GREB1L: variants seen among roughly 807,000 people sequenced by gnomAD.
GREB1L encodes GREB1 like retinoic acid receptor coactivator, also known as GREB1-like protein.
Under a neutral mutation model 200.8 loss-of-function variants are expected in GREB1L, and 17 were observed. The ratio of observed to expected loss-of-function variants is 0.08; its 90% confidence interval spans 0.06 to 0.13. The LOEUF (loss-of-function observed/expected upper bound fraction) is 0.13, where lower values mean the gene tolerates loss of function less well. Ranked by LOEUF, GREB1L falls within the 10% of genes least tolerant of loss-of-function variation. The pLI is 1.00. For synonymous variants in GREB1L, 789 were observed against 893.0 expected, an observed-to-expected ratio of 0.88 and a Z score of 2.08; for missense variants, 1,657 against 2,367.7, an observed-to-expected ratio of 0.70 and a Z score of 6.23.
intron 1 of GREB1L, among the ~76,000 whole-genome samples, chr18:21,305,746 C>G (rs1567929748): frequency 6.6e-6 from 1 of 152,228 alleles, no homozygotes; most frequent in African/African-American, 2.4e-5. Flanking sequence ...CCCTGTGAGA[C>G]CCTGCTGGTC....
intron 1 of GREB1L, among the ~76,000 whole-genome samples, chr18:21,321,732 G>A (rs1430334652): frequency 6.6e-6 from 1 of 152,030 alleles, no homozygotes; most frequent in Non-Finnish European, 1.5e-5. Context: ...TACTAAGTAG[G>A]GCTTCTGCTA....
rs1036573816 is a variant in GREB1L at position 21,490,051 on chromosome 18, T to G, written c.2730T>G (p.Leu910=). 7.7e-6 allele frequency: 12 copies of G among 1,551,914 alleles called. No homozygotes were observed. The highest frequency in any genetic ancestry group is 8.7e-6 in the Non-Finnish European group (10 of 1,147,054). Reference sequence around the variant, plus strand: ...ACAGCATGGTCGTCCGCTGCTATCTTCTCATCCAGCAGTACTCTGAGGCCC... The same window carrying G: ...ACAGCATGGTCGTCCGCTGCTATCTGCTCATCCAGCAGTACTCTGAGGCCC... ...RLHSMVVRCY[L]LIQQYSEALM... is the part of the protein sequence containing the mutation. The change falls in exon 19 of 33, where the codon CTT becomes CTG. Residue 910 remains leucine (L), a synonymous_variant. Coordinates refer to ENST00000424526, the MANE Select transcript of GREB1L (RefSeq NM_001142966.3).
At chr18:21,254,460 C>T (rs1337293152) in intron 1 of GREB1L, among the ~76,000 whole-genome samples, 1 of 152,012 alleles carries the variant, frequency 6.6e-6, no homozygotes, top group African/African-American at 2.4e-5. Flanking sequence ...TTGTATCATT[C>T]TACAAATGAT....
intron 7 of GREB1L, among the ~76,000 whole-genome samples, chr18:21,436,197 T>C (rs376611411): frequency 6.6e-6 from 1 of 152,194 alleles, no homozygotes; most frequent in Non-Finnish European, 1.5e-5. Flanking sequence ...AAGACATCCA[T>C]GTGGAGCTGT....
chr18:21,514,573 A>G (rs2037351497), intron 28 of GREB1L, among the ~76,000 whole-genome samples: 1 of 152,216 alleles, frequency 6.6e-6, no homozygotes, highest in Non-Finnish European at 1.5e-5. Context: ...GACTGCTGAC[A>G]TCTCAAATCA....
chr18:21,430,342 C>CT (rs1249914905), intron 7 of GREB1L, among the ~76,000 whole-genome samples: 8 of 149,562 alleles, frequency 5.3e-5, no homozygotes, highest in East Asian at 3.9e-4. Flanking sequence ...TTTATATCTT[C>CT]TTTTTTTTTC....
At chr18:21,488,420 C>T (rs138498678) in intron 18 of GREB1L, among the ~76,000 whole-genome samples, 162 of 152,258 alleles carry the variant, frequency 1.1e-3, no homozygotes, top group Admixed American at 1.7e-3. Flanking sequence ...ATTTCTTTGA[C>T]CTGGAGGTTT....
intron 15 of GREB1L, among the ~76,000 whole-genome samples, chr18:21,466,087 G>T (rs761005081): frequency 6.6e-6 from 1 of 152,012 alleles, no homozygotes; most frequent in Non-Finnish European, 1.5e-5. Flanking sequence ...TTAATGTTAC[G>T]TCCCTGAAGT....
chr18:21,331,980 A>G (rs1285186432), intron 1 of GREB1L, among the ~76,000 whole-genome samples: 1 of 152,244 alleles, frequency 6.6e-6, no homozygotes, highest in African/African-American at 2.4e-5. Context: ...AACCTTTGAA[A>G]GTTAGAGACT....
intron 1 of GREB1L, among the ~76,000 whole-genome samples, chr18:21,266,600 A>G (rs1415037684): frequency 2.0e-5 from 3 of 152,198 alleles, no homozygotes; most frequent in Non-Finnish European, 4.4e-5. Flanking sequence ...CGTGCCTACT[A>G]TTTCTTTTAA....
intron 1 of GREB1L, among the ~76,000 whole-genome samples, chr18:21,265,462 G>GAC: frequency 6.6e-6 from 1 of 152,044 alleles, no homozygotes; most frequent in Non-Finnish European, 1.5e-5. Context: ...AAAAATGGAC[G>GAC]GTGATGGGCA....
At position 21,499,906 on chromosome 18, in the gene GREB1L, G is replaced by GC. The variant is rs2036706405; in HGVS notation, c.3574dup (p.Gln1192ProfsTer88). 1 of 1,549,552 alleles carries GC rather than the reference G, an allele frequency of 6.5e-7. No individual in the cohort carries two copies. Among genetic ancestry groups the GC allele is most frequent in the Admixed American group, 2.0e-5 (1 of 50,750 alleles). On this transcript the variant is annotated frameshift_variant, in exon 22 of 33. Transcript: ENST00000424526. LOFTEE classifies it high-confidence loss of function. ...CTGAAGCAGGAATGTGACTCCCTGG[G>GC]CCCCCAGATGGCGAGCAGCACCACC... is the stretch of plus-strand genomic sequence containing the variant.
At chr18:21,380,932 C>T (rs2040280361) in intron 2 of GREB1L, among the ~76,000 whole-genome samples, 1 of 151,206 alleles carries the variant, frequency 6.6e-6, no homozygotes, top group Non-Finnish European at 1.5e-5. Flanking sequence ...AACCCCGTCT[C>T]TACTAAAAAT....
At chr18:21,518,956 C>T (rs2037519809) in intron 31 of GREB1L, among the ~76,000 whole-genome samples, 1 of 152,110 alleles carries the variant, frequency 6.6e-6, no homozygotes, top group African/African-American at 2.4e-5. Flanking sequence ...ACATTTCCTT[C>T]CAGGGCTTTT....
intron 1 of GREB1L, among the ~76,000 whole-genome samples, chr18:21,277,811 A>G (rs1040272400): frequency 6.6e-6 from 1 of 152,130 alleles, no homozygotes. Flanking sequence ...CTGTCTGCCC[A>G]ATTCTATTTT....
intron 6 of GREB1L, 46 bp downstream of exon 6, chr18:21,401,372 G>A (rs113202093): frequency 1.2e-5 from 18 of 1,468,754 alleles, no homozygotes; most frequent in African/African-American, 1.4e-5. Flanking sequence ...GAGATTTTAC[G>A]GTGGTGACAA....
chr18:21,389,729 C>T (rs2040714798), intron 4 of GREB1L, among the ~76,000 whole-genome samples: 2 of 152,192 alleles, frequency 1.3e-5, no homozygotes, highest in South Asian at 4.1e-4. Flanking sequence ...CTTGAGAAAG[C>T]TCAGCAGAAA....
intron 2 of GREB1L, among the ~76,000 whole-genome samples, chr18:21,375,872 TACCACCACCACCACCATCACC>T (rs1370464766): frequency 6.6e-6 from 1 of 151,962 alleles, no homozygotes; most frequent in Non-Finnish European, 1.5e-5. Flanking sequence ...TGACAATAAC[TACCACCACCACCACCATCACC>T]ACCACCACCA....
chr18:21,244,406 G>A (rs1161124329), intron 1 of GREB1L, among the ~76,000 whole-genome samples: 1 of 152,106 alleles, frequency 6.6e-6, no homozygotes, highest in Non-Finnish European at 1.5e-5. Flanking sequence ...TACGAAGGCC[G>A]AGTTTCAGAT....
Sources: gnomAD v4.1 joint callset for allele counts (sites outside exome capture counted in the v4.1 genomes callset) on GRCh38, gnomAD v4.1.1 for gene constraint, MANE v1.5 for transcripts, NCBI Gene and HGNC (gene_info 2026-07-23, HGNC 2026-07-21) for gene names.